A1BG: variants seen among roughly 807,000 people sequenced by gnomAD.
A1BG encodes the protein alpha-1-B glycoprotein, also known as alpha-1B-glycoprotein.
A neutral mutation model predicts 46.0 loss-of-function variants in A1BG; 44 were observed. The observed-to-expected ratio is 0.96, with a 90% CI of 0.75 to 1.23. The LOEUF (loss-of-function observed/expected upper bound fraction) is 1.23. Ranked by LOEUF, A1BG falls within the 50% of genes most tolerant of loss-of-function variation. The pLI is 0.00. For synonymous variants in A1BG, 316 were observed against 314.7 expected (o/e 1.00, Z -0.04); for missense variants, 707 against 688.8 (o/e 1.03, Z -0.30).
At chr19:58,351,901 T>A in intron 4 of A1BG, 1 of 696,918 alleles carries the variant, frequency 1.4e-6, no homozygotes, top group Non-Finnish European at 2.3e-6. Flanking sequence ...GTTCAAGGGA[T>A]TCTCCTGCCT....
intron 4 of A1BG, 52 bp from the exon 5 acceptor site, chr19:58,351,739 GC>G: frequency 1.3e-6 from 2 of 1,522,434 alleles, no homozygotes; most frequent in Non-Finnish European, 8.9e-7. Context: ...GCTGCCCTCT[GC>G]CCAGTCCCCA....
chr19:58,352,833 G>T, intron 3 of A1BG, 95 bp downstream of exon 3: 1 of 1,489,164 alleles, frequency 6.7e-7, no homozygotes, highest in Non-Finnish European at 9.0e-7. Flanking sequence ...TTGGGGCTTG[G>T]GGCTCAGAGA....
chr19:58,352,874 C>T, intron 3 of A1BG, 54 bp downstream of exon 3: 3 of 1,557,784 alleles, frequency 1.9e-6, no homozygotes, highest in Non-Finnish European at 2.6e-6. Flanking sequence ...GGGAGACCCC[C>T]CAGTCAACAA....
intron 6 of A1BG, 184 bp downstream of exon 6, chr19:58,350,186 C>T: frequency 2.5e-6 from 2 of 787,216 alleles, no homozygotes; most frequent in South Asian, 2.1e-5. Flanking sequence ...GGGAAATAAG[C>T]CGAAATTCCA....
Position 58,353,132 on chromosome 19 carries a change from T to A in A1BG, c.136A>T (p.Thr46Ser). 1 of 1,614,094 alleles carries A rather than the reference T, an allele frequency of 6.2e-7. No homozygotes were observed. The highest frequency in any genetic ancestry group is 8.5e-7 in the Non-Finnish European group (1 of 1,180,002). The part of the protein sequence containing the change: ...ESLLKPLANV[T>S]LTCQAHLETP... ...TCCAGGTGGGCCTGGCACGTCAGCG[T>A]CACATTGGCCAAGGGTTTCAGCAGT... The change falls in exon 3 of 8, where the codon ACG becomes TCG. Residue 46 changes from threonine (T) to serine (S), a missense_variant. By Grantham distance (58) the Thr-to-Ser change is moderately conservative (BLOSUM62 1). Coordinates refer to ENST00000263100, the MANE Select transcript of A1BG (RefSeq NM_130786.4).
At chr19:58,347,699 CACCCCA>C in intron 6 of A1BG, 59 bp from the exon 7 acceptor site, 1 of 643,438 alleles carries the variant, frequency 1.6e-6, no homozygotes, top group Non-Finnish European at 2.1e-6. Flanking sequence ...CCCCAGGCCA[CACCCCA>C]GGCCACACCC....
At chr19:58,348,385 T>G (rs1321599782) in intron 6 of A1BG, 1 of 152,126 alleles carries the variant, frequency 6.6e-6, no homozygotes, top group African/African-American at 2.4e-5. Context: ...CTGTAAGGAA[T>G]CAAATGTTAC....
chr19:58,348,001 G>C (rs2147998701), intron 6 of A1BG, among the ~76,000 whole-genome samples: 1 of 152,310 alleles, frequency 6.6e-6, no homozygotes, highest in African/African-American at 2.4e-5. Context: ...ACCAAAAAAG[G>C]ACATACAATC....
chr19:58,351,743 A>G, intron 4 of A1BG, 56 bp from the exon 5 acceptor site: 2 of 1,518,510 alleles, frequency 1.3e-6, no homozygotes, highest in Non-Finnish European at 1.8e-6. Flanking sequence ...CCCTCTGCCC[A>G]GTCCCCAGAC....
In A1BG at chr19:58,352,174, T is replaced by C. The variant is rs761540673; in HGVS notation, c.613+109A>G. 6 of 1,526,794 alleles carry C rather than the reference T, an allele frequency of 3.9e-6. No homozygotes were observed. In the East Asian group the frequency reaches 1.1e-4, roughly 29 times the overall value. The allele number at this position is 1,526,794 out of a possible 1,614,324, so 94.6% of individuals were successfully genotyped here. On this transcript the variant is annotated intron_variant, in intron 4 of 7. Transcript: ENST00000263100. ...CCAGGCAACCGTGTGGCCAGCTTCC[T>C]GGACCTGGTCCTGGGCAAGGACATT...
chr19:58,347,067 G>A (rs1225024867), intron 7 of A1BG, 38 bp from the exon 8 acceptor site: 3 of 1,612,518 alleles, frequency 1.9e-6, no homozygotes, highest in Admixed American at 1.7e-5. Flanking sequence ...TGGAGGAGGG[G>A]AAATCCTATG....
intron 3 of A1BG, 177 bp downstream of exon 3, chr19:58,352,751 C>T (rs2051973968): frequency 8.6e-7 from 1 of 1,169,434 alleles, no homozygotes; most frequent in African/African-American, 1.5e-5. Context: ...GTACGGCATG[C>T]CGGGCCTGCT....
chr19:58,350,619 GC>G lies in A1BG; in HGVS notation c.942del (p.Glu314AspfsTer66). The G allele has an allele frequency of 6.9e-7, 1 of 1,439,214 alleles. No individual in the cohort carries two copies. 89.2% of individuals were successfully genotyped at this position (1,439,214 alleles called of 1,614,324 possible). A position where few individuals can be genotyped will look rare whatever the true frequency, so the allele number is the denominator to read the frequency against. ...AGCCGCAAGGCCCTGCCGGACTCCG[GC>G]TCCGGGGAGAACTCCGGCGCGGGCA... is the stretch of plus-strand genomic sequence containing the variant. ...ETLPAPEFSP[E>X]PESGRALRLR... is the part of the protein sequence containing the mutation. On this transcript the variant is annotated frameshift_variant, in exon 6 of 8. Transcript: ENST00000263100. LOFTEE classifies it high-confidence loss of function.
At chr19:58,348,909 G>C (rs2051934185) in intron 6 of A1BG, 1 of 152,416 alleles carries the variant, frequency 6.6e-6, no homozygotes, top group Non-Finnish European at 1.5e-5. Flanking sequence ...ATGTCAGTGG[G>C]ACTGTGTTGT....
intron 5 of A1BG, chr19:58,351,074 A>C (rs2051953739): frequency 8.0e-6 from 4 of 498,006 alleles, no homozygotes; most frequent in African/African-American, 1.9e-5. Flanking sequence ...ATCAGGTCCA[A>C]GGCAAGCGAG....
At chr19:58,352,714 G>T in intron 3 of A1BG, 159 bp from the exon 4 acceptor site, 2 of 1,187,458 alleles carry the variant, frequency 1.7e-6, no homozygotes, top group East Asian at 2.4e-5. Context: ...AAGGCATACG[G>T]CAAGAGAAAA....
Position 58,347,537 on chromosome 19 carries a change from G to C in A1BG, c.1296C>G (p.Phe432Leu), listed in dbSNP as rs371173507. 5 of 1,575,882 alleles carry C rather than the reference G, an allele frequency of 3.2e-6. No homozygotes were observed. The African/African-American group carries it at 6.8e-5, about 21-fold the overall frequency. ...RCEGPIPDVT[F>L]ELLREGETKA... is the part of the protein sequence containing the mutation. ...TCGTCTCGCCCTCGCGCAGCAGCTC[G>C]AAGGTGACGTCGGGGATGGGTCCCT... Residue 432 changes from phenylalanine (F) to leucine (L), a missense_variant, in exon 7 of 8, where the codon TTC becomes TTG. Physicochemically the swap from Phe to Leu is conservative, Grantham distance 22. Coordinates refer to ENST00000263100, the MANE Select transcript of A1BG (RefSeq NM_130786.4).
intron 4 of A1BG, 163 bp downstream of exon 4, chr19:58,352,120 C>G (rs747256573): frequency 2.0e-6 from 3 of 1,468,930 alleles, no homozygotes; most frequent in Non-Finnish European, 1.8e-6. Flanking sequence ...TGGGCATCCT[C>G]TGCCCAAACT....
chr19:58,350,213 C>CGACCA, intron 6 of A1BG, 157 bp downstream of exon 6: 1 of 989,974 alleles, frequency 1.0e-6, no homozygotes, highest in South Asian at 1.8e-5. Flanking sequence ...CCCAGACCCT[C>CGACCA]GACCACCGAT....
Sources: gnomAD v4.1 joint callset for allele counts (sites outside exome capture counted in the v4.1 genomes callset) on GRCh38, gnomAD v4.1.1 for gene constraint, MANE v1.5 for transcripts, NCBI Gene and HGNC (gene_info 2026-07-23, HGNC 2026-07-21) for gene names.